The following KIFAP3 variants were observed in gnomAD, a reference collection of about 807,000 sequenced individuals.
KIFAP3 encodes kinesin-associated protein 3.
KIFAP3 carries 68 observed loss-of-function variants against 106.5 expected under a neutral mutation model. The ratio of observed to expected loss-of-function variants is 0.64; its 90% CI spans 0.53 to 0.78. The LOEUF is 0.78. Ranked by LOEUF, KIFAP3 falls within the 30% of genes least tolerant of loss-of-function variation. KIFAP3 has a pLI of 0.00. For synonymous variants in KIFAP3, 320 were observed against 311.5 expected (o/e 1.03, Z -0.29); for missense variants, 780 against 941.8 (o/e 0.83, Z 2.25).
rs747358573 is a variant in KIFAP3 at position 169,981,958 on chromosome 1, T to C, written c.1798+14A>G. On this transcript the variant is annotated intron_variant, in intron 15 of 19. Coordinates refer to ENST00000361580, the MANE Select transcript of KIFAP3 (RefSeq NM_014970.4). Reference sequence around the variant, plus strand: ...GTTTAGACATTAACATAAAAATAAATTAAGGTTATTTACCATTTAGCAATT... The same window carrying C: ...GTTTAGACATTAACATAAAAATAAACTAAGGTTATTTACCATTTAGCAATT... 31 of 1,600,062 alleles carry C rather than the reference T, an allele frequency of 1.9e-5. No individual in the cohort carries two copies. Among genetic ancestry groups the C allele is most frequent in the Non-Finnish European group, 2.6e-5 (30 of 1,171,176 alleles).
At chr1:170,064,601 G>A (rs1671342210) in intron 1 of KIFAP3, among the ~76,000 whole-genome samples, 1 of 152,146 alleles carries the variant, frequency 6.6e-6, no homozygotes, top group South Asian at 2.1e-4. Context: ...CGATCCACCA[G>A]CCTCAGCCTC....
chr1:169,948,522 C>CA (rs1260774127), intron 19 of KIFAP3, among the ~76,000 whole-genome samples: 1 of 151,872 alleles, frequency 6.6e-6, no homozygotes, highest in African/African-American at 2.4e-5. Flanking sequence ...TTAGTTCTTA[C>CA]AATGCTGAAC....
At chr1:170,027,533 A>G (rs1462102268) in intron 8 of KIFAP3, among the ~76,000 whole-genome samples, 2 of 152,178 alleles carry the variant, frequency 1.3e-5, no homozygotes, top group African/African-American at 4.8e-5. Context: ...AACTTCTATC[A>G]CTGAAAACTA....
intron 10 of KIFAP3, among the ~76,000 whole-genome samples, chr1:169,998,855 C>T (rs1558232874): frequency 2.0e-5 from 3 of 152,010 alleles, no homozygotes; most frequent in Admixed American, 1.3e-4. Context: ...CATAAATAAT[C>T]AATACTTAAT....
At position 170,039,232 on chromosome 1, in the gene KIFAP3, C is replaced by T. The variant is rs1039972147; in HGVS notation, c.375+1G>A. ...TTAGATCAGAATGCATGCAGTCTTA[C>T]CTCCATTCCTTCAAAAGGAGGTGGA... On this transcript the variant is annotated splice_donor_variant, in intron 4 of 19. Coordinates refer to ENST00000361580, the MANE Select transcript of KIFAP3 (RefSeq NM_014970.4). LOFTEE classifies it high-confidence loss of function. 13 of 1,590,590 alleles carry T rather than the reference C, an allele frequency of 8.2e-6. No homozygotes were observed. Among genetic ancestry groups the T allele is most frequent in the Non-Finnish European group, 1.1e-5 (13 of 1,163,504 alleles).
chr1:170,078,604 T>C, upstream of KIFAP3, among the ~76,000 whole-genome samples: 1 of 152,186 alleles, frequency 6.6e-6, no homozygotes, highest in East Asian at 1.9e-4. Flanking sequence ...TTTATTAAGA[T>C]GGTGACAAGA....
rs1669791870 is a variant in KIFAP3, at chr1:170,038,362, T to C, written c.445A>G (p.Lys149Glu). The change falls in exon 5 of 20, where the codon AAA (lysine) becomes GAA (glutamate). Residue 149 changes from lysine to glutamate, a missense_variant. By Grantham distance (56) the Lys-to-Glu change is moderately conservative. Around this residue, in one of 3 missense-constraint regions of KIFAP3, gnomAD observed 588 missense variants for 678.9 expected, o/e 0.87. Transcript: ENST00000361580. ...AGGATCAAAGCAGAACCCCGAACTTTGTCAGGAATATCTTCATATAATAAC... is the reference window on the plus strand; with the variant it reads ...AGGATCAAAGCAGAACCCCGAACTTCGTCAGGAATATCTTCATATAATAAC... ...IELLYEDIPD[K>E]VRGSALILQL... is the part of the protein sequence containing the mutation. The C allele has an allele frequency of 6.2e-7, 1 of 1,608,926 alleles. No individual in the cohort carries two copies. The highest frequency in any genetic ancestry group is 8.5e-7 in the Non-Finnish European group (1 of 1,178,944).
intron 14 of KIFAP3, 82 bp from the exon 15 acceptor site, chr1:169,982,179 G>T: frequency 7.5e-7 from 1 of 1,340,930 alleles, no homozygotes; most frequent in African/African-American, 1.5e-5. Flanking sequence ...TAAATACACA[G>T]AAAGGATACT....
chr1:170,074,784 C>T (rs1191857072), upstream of KIFAP3: 3 of 1,211,144 alleles, frequency 2.5e-6, no homozygotes, highest in Admixed American at 6.9e-5. Flanking sequence ...GTTTGACGCA[C>T]CGGGGAGCCG....
chr1:170,074,605 C>A lies in KIFAP3; in HGVS notation c.-138G>T, dbSNP rs761766019. The A allele has an allele frequency of 8.5e-6, 13 of 1,526,930 alleles. No individual in the cohort carries two copies. Among genetic ancestry groups the A allele is most frequent in the Admixed American group, 6.0e-5 (3 of 49,858 alleles). The allele number at this position is 1,526,930 out of a possible 1,614,324, so 94.6% of individuals were successfully genotyped here. ...GGCCTGCAAGGCGGGGCAGCAGCGG[C>A]GCTGTGGTTACCACGGTGAAGCCTC... On this transcript the variant is annotated 5_prime_UTR_variant, in exon 1 of 20. Coordinates refer to ENST00000361580, the MANE Select transcript of KIFAP3 (RefSeq NM_014970.4).
intron 1 of KIFAP3, among the ~76,000 whole-genome samples, chr1:170,084,176 T>G (rs1315225461): frequency 2.0e-5 from 3 of 152,178 alleles, no homozygotes; most frequent in Non-Finnish European, 4.4e-5. Context: ...TGGGAAGCCT[T>G]TTGTTAATAC....
At chr1:170,057,048 C>T (rs1242163425) in intron 1 of KIFAP3, among the ~76,000 whole-genome samples, 1 of 152,090 alleles carries the variant, frequency 6.6e-6, no homozygotes, top group East Asian at 1.9e-4. Context: ...AATGTAGCAT[C>T]ACTATAAGAA....
intron 1 of KIFAP3, among the ~76,000 whole-genome samples, chr1:170,065,725 T>C (rs904952647): frequency 2.0e-5 from 3 of 152,032 alleles, no homozygotes; most frequent in African/African-American, 7.2e-5. Context: ...TGGGTCTATT[T>C]AAAATTAAAT....
intron 3 of KIFAP3, among the ~76,000 whole-genome samples, chr1:170,042,510 T>C (rs1670031283): frequency 6.6e-6 from 1 of 152,208 alleles, no homozygotes; most frequent in Non-Finnish European, 1.5e-5. Flanking sequence ...TGGGAAATAT[T>C]GACTGCAGTG....
chr1:170,042,073 GT>G (rs1557858511), intron 3 of KIFAP3, among the ~76,000 whole-genome samples: 1 of 152,172 alleles, frequency 6.6e-6, no homozygotes, highest in African/African-American at 2.4e-5. Flanking sequence ...AGGGGGGTCT[GT>G]TTTATCTGTT....
intron 19 of KIFAP3, among the ~76,000 whole-genome samples, chr1:169,941,442 T>G (rs1392320660): frequency 6.6e-6 from 1 of 152,200 alleles, no homozygotes; most frequent in Non-Finnish European, 1.5e-5. Flanking sequence ...TTATTGCTTT[T>G]ATGGTAGTTG....
At chr1:169,938,816 TAAG>T (rs1397145355) in intron 19 of KIFAP3, among the ~76,000 whole-genome samples, 4 of 152,152 alleles carry the variant, frequency 2.6e-5, no homozygotes, top group East Asian at 1.9e-4. Context: ...ACTTGAAAGG[TAAG>T]AAGAAGCCAG....
chr1:170,003,333 T>C (rs539999693), intron 10 of KIFAP3, among the ~76,000 whole-genome samples: 6 of 152,188 alleles, frequency 3.9e-5, no homozygotes, highest in Non-Finnish European at 8.8e-5. Flanking sequence ...AATTCACTGA[T>C]ACATGAGAAA....
At chr1:170,045,474 G>A (rs898563322) in intron 3 of KIFAP3, among the ~76,000 whole-genome samples, 4 of 152,106 alleles carry the variant, frequency 2.6e-5, no homozygotes, top group Non-Finnish European at 5.9e-5. Context: ...TATGGCCAAC[G>A]AATATTCTTG....
Sources: gnomAD v4.1 joint callset for allele counts (sites outside exome capture counted in the v4.1 genomes callset) on GRCh38, gnomAD v4.1.1 for gene constraint, gnomAD v4.1.1 regional missense constraint, MANE v1.5 for transcripts, NCBI Gene and HGNC (gene_info 2026-07-23, HGNC 2026-07-21) for gene names.